Variants in UBE2E3 observed in about 807,000 individuals in gnomAD.
UBE2E3 encodes ubiquitin-conjugating enzyme E2 E3.
In UBE2E3, 5 loss-of-function variants were observed where a neutral mutation model predicts 23.6. That is an observed-to-expected ratio of 0.21 (90% confidence interval 0.11 to 0.44). The LOEUF (loss-of-function observed/expected upper bound fraction) is 0.44. Among genes scored for constraint, UBE2E3 ranks in the 20% least tolerant of loss-of-function variants. The pLI is 0.99. For synonymous variants in UBE2E3, 78 were observed against 87.5 expected, an observed-to-expected ratio of 0.89 and a Z score of 0.60; for missense variants, 81 against 249.8, an observed-to-expected ratio of 0.32 and a Z score of 4.55.
At chr2:181,050,676 G>T (rs72885269) in intron 3 of UBE2E3, among the ~76,000 whole-genome samples, 3,248 of 151,872 alleles carry the variant, frequency 0.021, 55 homozygotes, top group Non-Finnish European at 0.033. Flanking sequence ...TTTTAGAAGA[G>T]AATCTTAGCT....
At position 181,057,805 on chromosome 2, in the gene UBE2E3, T is replaced by C; in HGVS notation, c.358T>C (p.Tyr120His). 1 of 1,611,314 alleles carries C rather than the reference T, an allele frequency of 6.2e-7. No homozygotes were observed. Among genetic ancestry groups the C allele is most frequent in the Non-Finnish European group, 8.5e-7 (1 of 1,178,340 alleles). The change falls in exon 4 of 6, where the codon TAT becomes CAT. Residue 120 changes from tyrosine to histidine, a missense_variant. By Grantham distance (83) the Tyr-to-His change is moderately conservative (BLOSUM62 2). Transcript: ENST00000410062. Reference protein sequence around the residue: ...FFLDITFSSDYPFKPPKVTFR... With the variant: ...FFLDITFSSDHPFKPPKVTFR... ...TCTGGATATCACATTTTCATCAGAT[T>C]ATCCATTTAAGCCACCAAAGGTAAG...
At chr2:180,991,644 G>A (rs1684662388) in intron 3 of UBE2E3, among the ~76,000 whole-genome samples, 1 of 152,000 alleles carries the variant, frequency 6.6e-6, no homozygotes, top group Non-Finnish European at 1.5e-5. Context: ...TTTTTTTTGC[G>A]ATTTTGTTTG....
At chr2:181,021,588 C>T in intron 3 of UBE2E3, among the ~76,000 whole-genome samples, 1 of 120,198 alleles carries the variant, frequency 8.3e-6, no homozygotes, top group African/African-American at 3.3e-5. Flanking sequence ...CCCTCCCTTC[C>T]TTCCTCCCTC....
rs577971606 is a variant in UBE2E3, at chr2:181,058,777, T to G, written c.378+952T>G. ...ATTTATTTTGTGAATAAAAGAGGGT[T>G]ATTTCTCAGTAACTTATTGTCTAAC... On this transcript the variant is annotated intron_variant, in intron 4 of 5. Transcript: ENST00000410062. 5.9e-5 allele frequency among the ~76,000 whole-genome samples: 9 copies of G among 151,936 alleles called. No homozygotes were observed. The East Asian group carries it at 1.4e-3, about 23-fold the overall frequency.
chr2:181,039,676 C>T (rs1353730036), intron 3 of UBE2E3, among the ~76,000 whole-genome samples: 1 of 152,002 alleles, frequency 6.6e-6, no homozygotes, highest in African/African-American at 2.4e-5. Flanking sequence ...CTTGCAAAGT[C>T]GAAAAATTCA....
intron 1 of UBE2E3, 189 bp downstream of exon 1, chr2:180,981,162 C>G (rs1361252911): frequency 1.3e-5 from 2 of 148,626 alleles, no homozygotes; most frequent in Admixed American, 6.7e-5. Flanking sequence ...ACCCGCGGCC[C>G]CCGCGCGGCC....
chr2:181,036,477 C>T (rs1179738311), intron 3 of UBE2E3, among the ~76,000 whole-genome samples: 2 of 152,176 alleles, frequency 1.3e-5, no homozygotes, highest in Admixed American at 6.5e-5. Flanking sequence ...GCATCTTCTC[C>T]CGTGTCTGTG....
At chr2:181,001,721 A>G (rs184035363) in intron 3 of UBE2E3, among the ~76,000 whole-genome samples, 42 of 152,328 alleles carry the variant, frequency 2.8e-4, no homozygotes, top group African/African-American at 9.4e-4. Flanking sequence ...AAGGTGACAG[A>G]TTAGCATATA....
chr2:181,000,246 G>T (rs1444358211), intron 3 of UBE2E3, among the ~76,000 whole-genome samples: 5 of 152,160 alleles, frequency 3.3e-5, no homozygotes, highest in South Asian at 2.1e-4. Context: ...ACAACATGGG[G>T]TTAAGATTAT....
chr2:181,032,123 G>A (rs1686099116), intron 3 of UBE2E3, among the ~76,000 whole-genome samples: 1 of 152,156 alleles, frequency 6.6e-6, no homozygotes, highest in Admixed American at 6.6e-5. Context: ...AAAGTTGCTA[G>A]TCTCCCTTTG....
chr2:181,017,775 A>G (rs1252915316), intron 3 of UBE2E3, among the ~76,000 whole-genome samples: 1 of 142,800 alleles, frequency 7.0e-6, no homozygotes, highest in Admixed American at 7.1e-5. Context: ...TATGCTTTGG[A>G]CTTACCTTGT....
chr2:180,992,778 C>G (rs909397679), intron 3 of UBE2E3, among the ~76,000 whole-genome samples: 1 of 152,220 alleles, frequency 6.6e-6, no homozygotes, highest in Non-Finnish European at 1.5e-5. Flanking sequence ...TCTCCTGCCT[C>G]AGCCTCCCGA....
Position 181,022,120 on chromosome 2 carries a change from T to C in UBE2E3, c.246-35573T>C, listed in dbSNP as rs200341892. Among the ~76,000 whole-genome samples the C allele has an allele frequency of 2.6e-5, 4 of 152,222 alleles. No homozygotes were observed. In the East Asian group the frequency reaches 7.7e-4, roughly 29 times the overall value. On this transcript the variant is annotated intron_variant, in intron 3 of 5. Transcript: ENST00000410062. ...TAATATTGGAAAGTAAATGGAACAT[T>C]AAACTTTGATGTCCTATGATTAATA...
chr2:181,040,512 A>G (rs1049617107), intron 3 of UBE2E3, among the ~76,000 whole-genome samples: 7 of 152,192 alleles, frequency 4.6e-5, no homozygotes, highest in African/African-American at 1.7e-4. Flanking sequence ...TTTATTGAGC[A>G]ACTCTTATGT....
At chr2:180,990,949 T>G (rs979427159) in intron 3 of UBE2E3, among the ~76,000 whole-genome samples, 1 of 152,218 alleles carries the variant, frequency 6.6e-6, no homozygotes, top group South Asian at 2.1e-4. Context: ...TTTCATGTTT[T>G]AGAAAGGTAG....
intron 3 of UBE2E3, among the ~76,000 whole-genome samples, chr2:181,036,935 T>G (rs1207620982): frequency 6.6e-6 from 1 of 152,238 alleles, no homozygotes; most frequent in African/African-American, 2.4e-5. Context: ...AGTTGCAGTT[T>G]CCAAGAACCT....
intron 3 of UBE2E3, among the ~76,000 whole-genome samples, chr2:181,021,392 T>C (rs1685667112): frequency 6.6e-6 from 1 of 151,308 alleles, no homozygotes; most frequent in Non-Finnish European, 1.5e-5. Context: ...TTTTCCTCTT[T>C]TCTCTTTTCT....
chr2:180,982,654 T>C (rs1228671313), intron 2 of UBE2E3, among the ~76,000 whole-genome samples: 1 of 152,188 alleles, frequency 6.6e-6, no homozygotes, highest in Non-Finnish European at 1.5e-5. Flanking sequence ...TCAGAAATGA[T>C]CATATTTGCT....
chr2:181,040,702 TTAGTC>T (rs1225161576), intron 3 of UBE2E3, among the ~76,000 whole-genome samples: 1 of 152,180 alleles, frequency 6.6e-6, no homozygotes, highest in Non-Finnish European at 1.5e-5. Context: ...GAAAAACAGT[TTAGTC>T]TGATGACAAA....
Sources: gnomAD v4.1 joint callset for allele counts (sites outside exome capture counted in the v4.1 genomes callset) on GRCh38, gnomAD v4.1.1 for gene constraint, MANE v1.5 for transcripts, NCBI Gene and HGNC (gene_info 2026-07-23, HGNC 2026-07-21) for gene names.